Variants in PRELID2 observed in about 807,000 individuals in gnomAD.
The protein encoded by PRELID2 is PRELI domain containing 2.
PRELID2 carries 25 observed loss-of-function variants against 28.4 expected under a neutral mutation model. That is an observed-to-expected ratio of 0.88 (90% CI 0.64 to 1.23). The LOEUF is 1.23. PRELID2 is among the 50% of genes most tolerant of loss of function. The pLI is 0.00. For missense variants in PRELID2, 201 were observed against 214.4 expected (o/e 0.94, Z 0.39); for synonymous variants, 76 against 71.6 (o/e 1.06, Z -0.31).
chr5:145,415,659 T>G, the PRELID2 span, among the ~76,000 whole-genome samples: 34 of 151,306 alleles, frequency 2.2e-4, no homozygotes, highest in Non-Finnish European at 4.3e-4. Flanking sequence ...ATGTGCCACA[T>G]TTTCTTAATC....
At chr5:145,690,668 G>T (rs562426066) in intron 1 of PRELID2, among the ~76,000 whole-genome samples, 51 of 152,280 alleles carry the variant, frequency 3.3e-4, no homozygotes, top group Admixed American at 3.3e-3. Flanking sequence ...TTTCAGTAGG[G>T]TGATTACTGC....
chr5:145,485,905 G>T (rs1449974330), intron 1 of PRELID2, among the ~76,000 whole-genome samples: 1 of 152,150 alleles, frequency 6.6e-6, no homozygotes. Context: ...TGTTATCCAT[G>T]AAAAATTATT....
chr5:145,487,026 G>A (rs1395810864), intron 1 of PRELID2, among the ~76,000 whole-genome samples: 1 of 141,578 alleles, frequency 7.1e-6, no homozygotes, highest in African/African-American at 2.6e-5. Context: ...TCACTCATAG[G>A]TGGGAATTGA....
intron 1 of PRELID2, among the ~76,000 whole-genome samples, chr5:145,542,493 C>T (rs1177648460): frequency 3.9e-5 from 6 of 152,172 alleles, no homozygotes; most frequent in East Asian, 1.9e-4. Flanking sequence ...CCCAACATTG[C>T]GCTCATGGTA....
chr5:145,455,769 G>T, the PRELID2 span, among the ~76,000 whole-genome samples: 1 of 152,300 alleles, frequency 6.6e-6, no homozygotes, highest in South Asian at 2.1e-4. Context: ...GTATAGGAAT[G>T]CTTGTGATTT....
intron 1 of PRELID2, among the ~76,000 whole-genome samples, chr5:145,508,969 G>A (rs1034013359): frequency 6.6e-6 from 1 of 152,198 alleles, no homozygotes; most frequent in Non-Finnish European, 1.5e-5. Flanking sequence ...CTGGTCTAAT[G>A]AGTCCAAATT....
rs572620163 is a variant in PRELID2, at chr5:145,667,800, A to C, written n.70+97131T>G. On this transcript the variant is annotated intron_variant and non_coding_transcript_variant, in intron 1 of 2. Coordinates refer to the PRELID2 transcript ENST00000510259. The stretch of plus-strand genomic sequence containing the variant: ...TAAACCCACTAGCACCATACCTTGC[A>C]CTCAAATGTTAGCTTTCTTCCTCCA... 3.3e-5 allele frequency among the ~76,000 whole-genome samples: 5 copies of C among 152,204 alleles called. No homozygotes were observed. In the South Asian group the frequency reaches 1.0e-3, roughly 32 times the overall value.
intron 5 of PRELID2, among the ~76,000 whole-genome samples, chr5:145,790,232 T>A (rs145197294): frequency 6.6e-6 from 1 of 152,088 alleles, no homozygotes; most frequent in East Asian, 1.9e-4. Flanking sequence ...GTAGCCAAGA[T>A]ATGGAATCAA....
chr5:145,653,162 C>T (rs1212598211), intron 1 of PRELID2, among the ~76,000 whole-genome samples: 2 of 152,190 alleles, frequency 1.3e-5, no homozygotes, highest in Non-Finnish European at 2.9e-5. Flanking sequence ...AAGGCCATTA[C>T]ATAATGGTAA....
chr5:145,735,289 T>C (rs1021008551), intron 1 of PRELID2, among the ~76,000 whole-genome samples: 6 of 148,818 alleles, frequency 4.0e-5, no homozygotes, highest in Admixed American at 6.7e-5. Context: ...TCATCTTAAC[T>C]CCAACAATGT....
intron 1 of PRELID2, among the ~76,000 whole-genome samples, chr5:145,737,428 A>T (rs1756527292): frequency 6.6e-6 from 1 of 151,734 alleles, no homozygotes; most frequent in African/African-American, 2.4e-5. Flanking sequence ...TATTTATTTA[A>T]AAAAAAAACA....
At chr5:145,517,018 C>G (rs1752523128) in intron 1 of PRELID2, among the ~76,000 whole-genome samples, 1 of 152,094 alleles carries the variant, frequency 6.6e-6, no homozygotes, top group African/African-American at 2.4e-5. Flanking sequence ...AAAGTAAGAC[C>G]TAAAACCATA....
At chr5:145,339,161 A>C in the PRELID2 span, among the ~76,000 whole-genome samples, 1 of 152,248 alleles carries the variant, frequency 6.6e-6, no homozygotes, top group South Asian at 2.1e-4. Flanking sequence ...AGATGCAGCC[A>C]GTACATGCCT....
At chr5:145,582,300 T>C (rs1006382145) in intron 1 of PRELID2, among the ~76,000 whole-genome samples, 3 of 152,058 alleles carry the variant, frequency 2.0e-5, no homozygotes, top group Non-Finnish European at 4.4e-5. Context: ...CCAGTAAATT[T>C]ATAATCATGG....
At chr5:145,298,754 C>G in the PRELID2 span, among the ~76,000 whole-genome samples, 2 of 152,066 alleles carry the variant, frequency 1.3e-5, no homozygotes, top group Non-Finnish European at 2.9e-5. Flanking sequence ...ATTAACCAAT[C>G]TGTGGCATGC....
In PRELID2 at chr5:145,490,097, G is replaced by A. The variant is rs1752255872; in HGVS notation, n.71-16782C>T. Among the ~76,000 whole-genome samples the A allele has an allele frequency of 2.6e-5, 4 of 152,070 alleles. No homozygotes were observed. The South Asian group carries it at 6.2e-4, about 24-fold the overall frequency. On this transcript the variant is annotated intron_variant and non_coding_transcript_variant, in intron 1 of 2. Coordinates refer to the PRELID2 transcript ENST00000510259. ...GATGTTGCTTAAAATAAAATCAACT[G>A]AGCTATCATCACACCTCCATATAGA...
chr5:145,601,141 G>A (rs1188882919), intron 1 of PRELID2, among the ~76,000 whole-genome samples: 1 of 151,946 alleles, frequency 6.6e-6, no homozygotes, highest in Non-Finnish European at 1.5e-5. Context: ...TGATGACAGA[G>A]GAAGACTGTC....
intron 1 of PRELID2, among the ~76,000 whole-genome samples, chr5:145,727,139 C>T (rs1447532371): frequency 1.3e-5 from 2 of 152,170 alleles, no homozygotes; most frequent in African/African-American, 2.4e-5. Context: ...GCGTTAAGCA[C>T]CTGATTTACA....
chr5:145,562,484 T>G (rs1001245355), intron 1 of PRELID2, among the ~76,000 whole-genome samples: 1 of 152,268 alleles, frequency 6.6e-6, no homozygotes, highest in African/African-American at 2.4e-5. Context: ...TCATAAAATG[T>G]GTTTGTACAT....
Sources: gnomAD v4.1 joint callset for allele counts (sites outside exome capture counted in the v4.1 genomes callset) on GRCh38, gnomAD v4.1.1 for gene constraint, MANE v1.5 for transcripts, NCBI Gene and HGNC (gene_info 2026-07-23, HGNC 2026-07-21) for gene names.